VPS37C: variants seen among roughly 807,000 people sequenced by gnomAD.
VPS37C encodes vacuolar protein sorting-associated protein 37C.
A neutral mutation model predicts 16.1 loss-of-function variants in VPS37C; 9 were observed. That is an observed-to-expected ratio of 0.56 (90% CI 0.34 to 0.97). VPS37C has a LOEUF of 0.97. Among genes scored for constraint, VPS37C ranks in the 50% least tolerant of loss-of-function variants. The pLI is 0.02. For missense variants in VPS37C, 479 were observed against 472.7 expected (o/e 1.01, Z -0.12); for synonymous variants, 207 against 206.4 (o/e 1.00, Z -0.02).
chr11:61,137,144 GCA>G (rs1861390885), intron 2 of VPS37C, among the ~76,000 whole-genome samples: 1 of 151,960 alleles, frequency 6.6e-6, no homozygotes, highest in African/African-American at 2.4e-5. Flanking sequence ...ACCCCTCTAT[GCA>G]CACTCTTCTA....
intron 1 of VPS37C, chr11:61,145,493 AC>A (rs1164462780): frequency 1.3e-5 from 2 of 152,196 alleles, no homozygotes; most frequent in African/African-American, 2.4e-5. Flanking sequence ...AGCATCACCC[AC>A]CCCTGGAAAT....
At position 61,132,368 on chromosome 11, in the gene VPS37C, G is replaced by T; in HGVS notation, c.520C>A (p.Arg174Ser). The T allele has an allele frequency of 6.3e-7, 1 of 1,599,672 alleles. No individual in the cohort carries two copies. Among genetic ancestry groups the T allele is most frequent in the Non-Finnish European group, 8.5e-7 (1 of 1,172,790 alleles). Residue 174 changes from arginine to serine, a missense_variant, in exon 5 of 5, where the codon CGT (arginine) becomes AGT (serine). Transcript: ENST00000301765. ...ACTGGGCGCACCGGGGGTGGTGGAC[G>T]GGGTGGAGGGGCATCGCCGGCCAGC... ...QELAGDAPPP[R>S]PPPPVRPVPQ...
intron 1 of VPS37C, among the ~76,000 whole-genome samples, chr11:61,152,830 C>T (rs953038127): frequency 8.5e-5 from 13 of 152,256 alleles, no homozygotes; most frequent in Admixed American, 2.0e-4. Flanking sequence ...TTGCTCTCCA[C>T]TCTGCCTGGA....
intron 4 of VPS37C, chr11:61,133,022 G>A: frequency 4.7e-6 from 3 of 642,770 alleles, no homozygotes; most frequent in Non-Finnish European, 8.5e-6. Context: ...ACCATCCAGG[G>A]CTGCGAGCTG....
At chr11:61,133,936 G>A in intron 3 of VPS37C, 100 bp downstream of exon 3, 2 of 1,415,798 alleles carry the variant, frequency 1.4e-6, no homozygotes, top group Non-Finnish European at 9.4e-7. Flanking sequence ...TGGCTGTTGT[G>A]AAAAAATATA....
At chr11:61,149,643 G>C (rs1329669821) in intron 1 of VPS37C, among the ~76,000 whole-genome samples, 2 of 152,210 alleles carry the variant, frequency 1.3e-5, no homozygotes, top group Admixed American at 1.3e-4. Flanking sequence ...AAAGGATGTG[G>C]CTCCAAACAA....
chr11:61,140,997 G>A (rs917627508), intron 1 of VPS37C, among the ~76,000 whole-genome samples: 34 of 152,250 alleles, frequency 2.2e-4, no homozygotes, highest in African/African-American at 8.2e-4. Flanking sequence ...GCTCATTTGT[G>A]GCCAGGAGGT....
intron 1 of VPS37C, chr11:61,145,320 G>A (rs1253582516): frequency 6.6e-6 from 1 of 152,240 alleles, no homozygotes; most frequent in Non-Finnish European, 1.5e-5. Flanking sequence ...AGGATAAGGT[G>A]TTTAGCCATA....
intron 1 of VPS37C, among the ~76,000 whole-genome samples, chr11:61,142,975 T>TAAAAAAA: frequency 7.1e-4 from 34 of 47,562 alleles, no homozygotes; most frequent in Non-Finnish European, 1.1e-3. Flanking sequence ...AAAGAATAGC[T>TAAAAAAA]AAAAAAAAAA....
intron 1 of VPS37C, among the ~76,000 whole-genome samples, chr11:61,143,106 G>A (rs971142798): frequency 3.3e-5 from 5 of 151,852 alleles, no homozygotes; most frequent in Non-Finnish European, 4.4e-5. Context: ...AAAACAGAGC[G>A]GCGTGCGGAA....
rs940024093 is a variant in VPS37C, at chr11:61,132,512, C to T, written c.376G>A (p.Glu126Lys). ...TCCAGGAACGTTTCCAGGGGCACCT[C>T]GCCCTCCAGGAACTTCTCAGCCATG... ...EAMAEKFLEG[E>K]VPLETFLENF... The change falls in exon 5 of 5, where the codon GAG (glutamate) becomes AAG (lysine). Residue 126 changes from glutamate to lysine, a missense_variant. Glu to Lys is a moderately conservative substitution (Grantham distance 56). Transcript: ENST00000301765. The T allele has an allele frequency of 2.5e-6, 4 of 1,607,154 alleles. No homozygotes were observed. The highest frequency in any genetic ancestry group is 2.5e-6 in the Non-Finnish European group (3 of 1,176,478).
At chr11:61,138,478 G>A in intron 2 of VPS37C, 1 of 454,396 alleles carries the variant, frequency 2.2e-6, no homozygotes, top group Admixed American at 3.3e-5. Flanking sequence ...ATTTGGGCTG[G>A]AACGACAGTG....
Position 61,131,541 on chromosome 11 carries a change from C to A in VPS37C, c.*279G>T. On this transcript the variant is annotated 3_prime_UTR_variant, in exon 5 of 5. Transcript: ENST00000301765. ...AAATGCGCACATGCGCTCACTCACA[C>A]AGACACCGGCGAGAGGTGCTGGACT... 2.6e-6 allele frequency: 1 copy of A among 381,308 alleles called. No individual in the cohort carries two copies. Among genetic ancestry groups the A allele is most frequent in the East Asian group, 3.9e-5 (1 of 25,656 alleles). The allele number at this position is 381,308 out of a possible 1,614,324, so 23.6% of individuals were successfully genotyped here.
Position 61,131,547 on chromosome 11 carries a change from C to T in VPS37C, c.*273G>A. The T allele has an allele frequency of 2.6e-6, 1 of 388,738 alleles. No individual in the cohort carries two copies. Among genetic ancestry groups the T allele is most frequent in the Non-Finnish European group, 4.5e-6 (1 of 223,570 alleles). The allele number at this position is 388,738 out of a possible 1,614,324, so 24.1% of individuals were successfully genotyped here. ...GCACATGCGCTCACTCACACAGACA[C>T]CGGCGAGAGGTGCTGGACTCCAGCC... On this transcript the variant is annotated 3_prime_UTR_variant, in exon 5 of 5. Coordinates refer to ENST00000301765, the MANE Select transcript of VPS37C (RefSeq NM_017966.5).
chr11:61,141,013 C>A (rs541913967), intron 1 of VPS37C, among the ~76,000 whole-genome samples: 2 of 152,128 alleles, frequency 1.3e-5, no homozygotes, highest in Non-Finnish European at 2.9e-5. Flanking sequence ...GAGGTCAAGA[C>A]CAGCCTAGGC....
intron 1 of VPS37C, among the ~76,000 whole-genome samples, chr11:61,150,552 G>GTT (rs139641666): frequency 1.7e-3 from 214 of 127,876 alleles, no homozygotes; most frequent in East Asian, 3.1e-3. Flanking sequence ...TTTCAAAGGA[G>GTT]TTTTGTTTTT....
chr11:61,136,103 C>A (rs900306038), intron 2 of VPS37C, among the ~76,000 whole-genome samples: 1 of 151,360 alleles, frequency 6.6e-6, no homozygotes, highest in Non-Finnish European at 1.5e-5. Flanking sequence ...TCCCAACACA[C>A]AGAAACAACA....
chr11:61,131,944 G>C lies in VPS37C; in HGVS notation c.944C>G (p.Pro315Arg). Residue 315 changes from proline to arginine, a missense_variant, in exon 5 of 5, where the codon CCT (proline) becomes CGT (arginine). Pro to Arg is a moderately radical substitution (Grantham distance 103). Transcript: ENST00000301765. ...TGGKPPYPIQ[P>R]QLPSFPGQPQ... ...CTGGCCTGGAAAGCTGGGGAGCTGA[G>C]GCTGTATTGGGTAGGGAGGTTTTCC... 1 of 1,297,836 alleles carries C rather than the reference G, an allele frequency of 7.7e-7. No homozygotes were observed. The highest frequency in any genetic ancestry group is 9.8e-7 in the Non-Finnish European group (1 of 1,016,466). The allele number at this position is 1,297,836 out of a possible 1,614,324, so 80.4% of individuals were successfully genotyped here. A position where few individuals can be genotyped will look rare whatever the true frequency, so the allele number is the denominator to read the frequency against.
At chr11:61,145,190 T>G (rs1853179393) in intron 1 of VPS37C, 1 of 152,210 alleles carries the variant, frequency 6.6e-6, no homozygotes, top group Non-Finnish European at 1.5e-5. Flanking sequence ...GCCTCCTATT[T>G]CAGAGATAAA....
Sources: gnomAD v4.1 joint callset for allele counts (sites outside exome capture counted in the v4.1 genomes callset) on GRCh38, gnomAD v4.1.1 for gene constraint, MANE v1.5 for transcripts, NCBI Gene and HGNC (gene_info 2026-07-23, HGNC 2026-07-21) for gene names.